The following SMCO4 variants were observed in gnomAD, a reference collection of about 807,000 sequenced individuals.
The protein encoded by SMCO4 is single-pass membrane protein with coiled-coil domains 4, also known as single-pass membrane and coiled-coil domain-containing protein 4.
SMCO4 carries 4 observed loss-of-function variants against 3.6 expected under a neutral mutation model. The observed-to-expected ratio is 1.11, with a 90% confidence interval of 0.54 to 2.53. The LOEUF is 2.53. Among genes scored for constraint, SMCO4 ranks in the 30% most tolerant of loss-of-function variants. The pLI is 0.02. For synonymous variants in SMCO4, 36 were observed against 35.3 expected (o/e 1.02, Z -0.07); for missense variants, 70 against 80.8 (o/e 0.87, Z 0.51).
chr11:93,503,788 C>T (rs963995414), intron 1 of SMCO4, among the ~76,000 whole-genome samples: 1 of 152,258 alleles, frequency 6.6e-6, no homozygotes, highest in Middle Eastern at 3.4e-3. Flanking sequence ...ACGGTCCTGC[C>T]CATACCTTGA....
upstream of SMCO4, among the ~76,000 whole-genome samples, chr11:93,547,680 A>G (rs1328097358): frequency 6.6e-6 from 1 of 152,238 alleles, no homozygotes; most frequent in Non-Finnish European, 1.5e-5. Flanking sequence ...TAAATGAGCA[A>G]ACAAATGAAT....
the SMCO4 span, among the ~76,000 whole-genome samples, chr11:93,551,340 G>T: frequency 6.6e-6 from 1 of 152,114 alleles, no homozygotes; most frequent in Admixed American, 6.5e-5. Context: ...GGCCCAGTGA[G>T]GAACCTCCTG....
intron 2 of SMCO4, among the ~76,000 whole-genome samples, chr11:93,486,611 G>T (rs1250751624): frequency 6.6e-6 from 1 of 152,076 alleles, no homozygotes; most frequent in Non-Finnish European, 1.5e-5. Context: ...TGCTCTGAAG[G>T]CCCCCAGGAA....
At chr11:93,498,095 C>T (rs1430339112) in intron 2 of SMCO4, among the ~76,000 whole-genome samples, 1 of 152,060 alleles carries the variant, frequency 6.6e-6, no homozygotes, top group Admixed American at 6.6e-5. Context: ...ATATTAAAAG[C>T]CTCACACTGA....
At position 93,514,413 on chromosome 11, in the gene SMCO4, T is replaced by TATATATATATAC. The variant is rs781423008; in HGVS notation, c.-153-15066_-153-15065insGTATATATATAT. Among the ~76,000 whole-genome samples, 106 of 33,950 alleles carry TATATATATATAC rather than the reference T, an allele frequency of 3.1e-3. 4 individuals are homozygous for TATATATATATAC. Among genetic ancestry groups the TATATATATATAC allele is most frequent in the African/African-American group, 9.6e-3 (103 of 10,710 alleles). The allele number at this position is 33,950 out of a possible 152,430, so 22.3% of individuals were successfully genotyped here. On this transcript the variant is annotated intron_variant, in intron 1 of 2. Transcript: ENST00000298966. ...ATATATATATATATATATATATATA[T>TATATATATATAC]ATATATATAAAATTTGGTCTCTTCC...
intron 1 of SMCO4, among the ~76,000 whole-genome samples, chr11:93,538,119 G>T: frequency 6.6e-6 from 1 of 152,312 alleles, no homozygotes; most frequent in East Asian, 1.9e-4. Flanking sequence ...GCAACAGTGC[G>T]TCCTACCGAT....
chr11:93,542,017 A>G (rs1949274748), intron 1 of SMCO4, among the ~76,000 whole-genome samples: 1 of 152,176 alleles, frequency 6.6e-6, no homozygotes, highest in Admixed American at 6.5e-5. Context: ...GGACGAGAAT[A>G]AGGGCTCAAG....
At chr11:93,529,101 T>C (rs184279993) in intron 1 of SMCO4, among the ~76,000 whole-genome samples, 231 of 152,302 alleles carry the variant, frequency 1.5e-3, no homozygotes, top group Admixed American at 2.7e-3. Context: ...CTCCACAGAT[T>C]CTGAAGGAAC....
chr11:93,536,706 G>T (rs919218340), intron 1 of SMCO4, among the ~76,000 whole-genome samples: 1 of 152,196 alleles, frequency 6.6e-6, no homozygotes, highest in South Asian at 2.1e-4. Flanking sequence ...AATGTGACAA[G>T]TCTGCTGTGT....
At position 93,478,827 on chromosome 11, in the gene SMCO4, A is replaced by T. The variant is rs1948551532; in HGVS notation, c.*183T>A. 7.1e-7 allele frequency: 1 copy of T among 1,415,172 alleles called. No homozygotes were observed. The highest frequency in any genetic ancestry group is 9.2e-7 in the Non-Finnish European group (1 of 1,087,642). 87.7% of individuals were successfully genotyped at this position (1,415,172 alleles called of 1,614,324 possible). A position where few individuals can be genotyped will look rare whatever the true frequency, so the allele number is the denominator to read the frequency against. The stretch of plus-strand genomic sequence containing the variant: ...TGTATGGCACATTCACTGATAAAAC[A>T]TCCCCTATTCCCTCCCAAGAAAGCG... On this transcript the variant is annotated 3_prime_UTR_variant, in exon 3 of 3. Coordinates refer to ENST00000298966, the MANE Select transcript of SMCO4 (RefSeq NM_020179.3).
Position 93,516,268 on chromosome 11 carries a change from G to A in SMCO4, c.-153-16920C>T, listed in dbSNP as rs1232881724. ...ACACCCCTGAAGAAGGGAGAATGCCGGTCCCAAAAGAAAGAAGGGGAGTCA... is the reference window on the plus strand; with the variant it reads ...ACACCCCTGAAGAAGGGAGAATGCCAGTCCCAAAAGAAAGAAGGGGAGTCA... On this transcript the variant is annotated intron_variant, in intron 1 of 2. Transcript: ENST00000298966. Among the ~76,000 whole-genome samples, 9 of 152,062 alleles carry A rather than the reference G, an allele frequency of 5.9e-5. No individual in the cohort carries two copies. In the East Asian group the frequency reaches 1.3e-3, roughly 23 times the overall value.
chr11:93,503,341 T>C (rs1356923161), intron 1 of SMCO4, among the ~76,000 whole-genome samples: 1 of 152,152 alleles, frequency 6.6e-6, no homozygotes, highest in Non-Finnish European at 1.5e-5. Flanking sequence ...GTGAGACTTA[T>C]TCATTACCAC....
At chr11:93,551,625 C>T in the SMCO4 span, among the ~76,000 whole-genome samples, 1 of 152,188 alleles carries the variant, frequency 6.6e-6, no homozygotes, top group East Asian at 1.9e-4. Flanking sequence ...AGTTCCTGTG[C>T]ATATGCAGTC....
chr11:93,553,401 A>G, the SMCO4 span, among the ~76,000 whole-genome samples: 2 of 152,364 alleles, frequency 1.3e-5, no homozygotes, highest in African/African-American at 2.4e-5. Context: ...AAGTCTGTGT[A>G]TAAACTCAGA....
intron 1 of SMCO4, among the ~76,000 whole-genome samples, chr11:93,499,610 C>T (rs1948815245): frequency 6.6e-6 from 1 of 152,200 alleles, no homozygotes; most frequent in Non-Finnish European, 1.5e-5. Context: ...CACTCCTGTG[C>T]CCAGCAGGCA....
intron 1 of SMCO4, chr11:93,535,606 G>A: frequency 6.4e-7 from 1 of 1,555,022 alleles, no homozygotes. Context: ...AGGTACTGTG[G>A]AGGGCTTTGA....
At chr11:93,506,184 A>C (rs1948900452) in intron 1 of SMCO4, among the ~76,000 whole-genome samples, 1 of 152,230 alleles carries the variant, frequency 6.6e-6, no homozygotes, top group African/African-American at 2.4e-5. Flanking sequence ...CATGGAGCCA[A>C]GATATGGAAA....
rs181042679 is a variant in SMCO4, at chr11:93,529,369, C to A, written c.-154+13907G>T. ...CCCAAAGGCAACTCCTGAAACACTA[C>A]GGAAGAGCAGCTGCTCCTGGCACTG... On this transcript the variant is annotated intron_variant, in intron 1 of 2. Transcript: ENST00000298966. 1.1e-4 allele frequency among the ~76,000 whole-genome samples: 17 copies of A among 152,288 alleles called. No individual in the cohort carries two copies. The East Asian group carries it at 3.1e-3, about 28-fold the overall frequency.
chr11:93,546,817 G>A (rs1030662330), upstream of SMCO4, among the ~76,000 whole-genome samples: 3 of 152,168 alleles, frequency 2.0e-5, no homozygotes, highest in Non-Finnish European at 2.9e-5. Flanking sequence ...GTCTGGTGCA[G>A]CTTGCCCCTA....
Sources: gnomAD v4.1 joint callset for allele counts (sites outside exome capture counted in the v4.1 genomes callset) on GRCh38, gnomAD v4.1.1 for gene constraint, MANE v1.5 for transcripts, NCBI Gene and HGNC (gene_info 2026-07-23, HGNC 2026-07-21) for gene names.